Variants in NTRK3 observed in about 807,000 individuals in gnomAD.
NTRK3 encodes NT-3 growth factor receptor.
Under a neutral mutation model 91.7 loss-of-function variants are expected in NTRK3, and 24 were observed. The observed-to-expected ratio is 0.26, with a 90% CI of 0.19 to 0.37. The LOEUF is 0.37. Among genes scored for constraint, NTRK3 ranks in the 10% least tolerant of loss-of-function variants. The pLI is 1.00. For missense variants in NTRK3, 880 were observed against 1,068.9 expected (o/e 0.82, Z 2.46); for synonymous variants, 483 against 404.0 (o/e 1.20, Z -2.34).
At chr15:88,231,243 C>T (rs1399916379) in intron 3 of NTRK3, among the ~76,000 whole-genome samples, 1 of 152,170 alleles carries the variant, frequency 6.6e-6, no homozygotes, top group Non-Finnish European at 1.5e-5. Context: ...AACTCTCACA[C>T]TCAACACATG....
intron 5 of NTRK3, among the ~76,000 whole-genome samples, chr15:88,169,045 G>A (rs1297464807): frequency 6.6e-6 from 1 of 152,228 alleles, no homozygotes; most frequent in Non-Finnish European, 1.5e-5. Context: ...ATGAGCTAGA[G>A]GTGGCATGGC....
At chr15:87,940,841 A>G (rs2069765046) in intron 14 of NTRK3, 88 bp from the exon 15 acceptor site, 16 of 1,597,306 alleles carry the variant, frequency 1.0e-5, no homozygotes, top group Non-Finnish European at 1.4e-5. Context: ...TCTAGCGTGG[A>G]GAACTTGGTT....
intron 15 of NTRK3, among the ~76,000 whole-genome samples, chr15:87,938,587 G>C (rs970800636): frequency 2.6e-5 from 4 of 152,184 alleles, no homozygotes; most frequent in Non-Finnish European, 5.9e-5. Context: ...CACATTTTCT[G>C]CATTACTCGG....
chr15:88,061,452 G>A (rs769462716), intron 13 of NTRK3, among the ~76,000 whole-genome samples: 17 of 152,348 alleles, frequency 1.1e-4, no homozygotes, highest in Admixed American at 5.2e-4. Context: ...GGGTCAGCCC[G>A]TGGCTGCTAA....
chr15:88,208,908 A>G (rs527272675), intron 3 of NTRK3, among the ~76,000 whole-genome samples: 1 of 152,332 alleles, frequency 6.6e-6, no homozygotes, highest in African/African-American at 2.4e-5. Flanking sequence ...GGGCCAACGA[A>G]TTCAACAAAA....
intron 14 of NTRK3, among the ~76,000 whole-genome samples, chr15:87,961,305 A>C (rs2072261259): frequency 6.6e-6 from 1 of 152,364 alleles, no homozygotes; most frequent in African/African-American, 2.4e-5. Context: ...CTTGGCATTA[A>C]GTTTAGAGAC....
intron 17 of NTRK3, among the ~76,000 whole-genome samples, chr15:87,885,490 G>A (rs2065484930): frequency 2.0e-5 from 3 of 151,880 alleles, no homozygotes; most frequent in Non-Finnish European, 2.9e-5. Context: ...TACTCTATCA[G>A]ATAGCAAAGC....
At chr15:88,043,728 A>G (rs2079874008) in intron 13 of NTRK3, among the ~76,000 whole-genome samples, 1 of 152,234 alleles carries the variant, frequency 6.6e-6, no homozygotes, top group African/African-American at 2.4e-5. Context: ...GATGGCTTCA[A>G]TATGAAGTTC....
chr15:88,229,074 C>T (rs1050451869), intron 3 of NTRK3, among the ~76,000 whole-genome samples: 7 of 152,210 alleles, frequency 4.6e-5, no homozygotes, highest in South Asian at 4.1e-4. Context: ...ATGGCAGAGA[C>T]TCCACCCTTG....
At chr15:88,184,165 G>C in intron 4 of NTRK3, 60 bp downstream of exon 4, 7 of 1,544,258 alleles carry the variant, frequency 4.5e-6, no homozygotes, top group Non-Finnish European at 6.2e-6. Context: ...CCAGAAGGCA[G>C]ACCAGGTGGC....
At chr15:88,169,630 C>G (rs1408007488) in intron 5 of NTRK3, among the ~76,000 whole-genome samples, 1 of 152,190 alleles carries the variant, frequency 6.6e-6, no homozygotes, top group East Asian at 1.9e-4. Flanking sequence ...GATTCCAACC[C>G]TTTAGTACAC....
intron 3 of NTRK3, among the ~76,000 whole-genome samples, chr15:88,223,188 C>T (rs1350515625): frequency 3.9e-5 from 6 of 152,228 alleles, no homozygotes; most frequent in African/African-American, 1.4e-4. Flanking sequence ...GCCCCCAGGG[C>T]GGACAGTGAC....
chr15:88,166,704 T>C lies in NTRK3; in HGVS notation c.395+16714A>G, dbSNP rs75480355. 3.8e-3 allele frequency among the ~76,000 whole-genome samples: 581 copies of C among 152,306 alleles called. 1 individual carries two copies. Among genetic ancestry groups the C allele is most frequent in the African/African-American group, 0.014 (561 of 41,552 alleles). On this transcript the variant is annotated intron_variant, in intron 5 of 18. Coordinates refer to ENST00000394480, the Ensembl canonical transcript of NTRK3. ...CCACCCTCAGAGAGGTGACCTGGTCTTTATATCAGTTACAACAGAAAGAAC... is the reference window on the plus strand; with the variant it reads ...CCACCCTCAGAGAGGTGACCTGGTCCTTATATCAGTTACAACAGAAAGAAC...
intron 3 of NTRK3, among the ~76,000 whole-genome samples, chr15:88,205,648 C>T (rs1034423002): frequency 6.6e-6 from 1 of 152,206 alleles, no homozygotes; most frequent in Non-Finnish European, 1.5e-5. Context: ...CTATCCTAAG[C>T]CCCCAAAACG....
chr15:87,883,897 C>A (rs2065386978), intron 17 of NTRK3, among the ~76,000 whole-genome samples: 2 of 145,210 alleles, frequency 1.4e-5, no homozygotes. Flanking sequence ...TGAAATATAA[C>A]TGAAGTAATT....
exon 8 of NTRK3, chr15:88,136,526 A>T (rs2151209593): frequency 2.5e-6 from 4 of 1,614,060 alleles, no homozygotes; most frequent in Non-Finnish European, 3.4e-6. Flanking sequence ...GGAAGGGGTG[A>T]TCCAGAGCCA....
At chr15:87,962,209 T>C (rs1221879473) in intron 14 of NTRK3, among the ~76,000 whole-genome samples, 2 of 152,206 alleles carry the variant, frequency 1.3e-5, no homozygotes, top group African/African-American at 2.4e-5. Flanking sequence ...CACTTTATGC[T>C]TGTCTTGCCC....
exon 19 of NTRK3, chr15:87,875,649 C>T (rs867215300): frequency 3.0e-5 from 7 of 232,296 alleles, no homozygotes; most frequent in Non-Finnish European, 5.1e-5. Flanking sequence ...GGGCTGGAAA[C>T]GTGAGGAGAA....
intron 13 of NTRK3, among the ~76,000 whole-genome samples, chr15:88,084,121 G>T (rs1180497177): frequency 3.3e-5 from 5 of 150,012 alleles, no homozygotes; most frequent in South Asian, 2.1e-4. Flanking sequence ...AAACTCTGGG[G>T]TTTTTTTCTT....
Sources: gnomAD v4.1 joint callset for allele counts (sites outside exome capture counted in the v4.1 genomes callset) on GRCh38, gnomAD v4.1.1 for gene constraint, MANE v1.5 for transcripts, NCBI Gene and HGNC (gene_info 2026-07-23, HGNC 2026-07-21) for gene names.